CACNA2D2: variants seen among roughly 807,000 people sequenced by gnomAD.
CACNA2D2 encodes calcium voltage-gated channel auxiliary subunit alpha2delta 2, also known as voltage-dependent calcium channel subunit alpha-2/delta-2.
In CACNA2D2, 48 loss-of-function variants were observed where a neutral mutation model predicts 166.4. That is an observed-to-expected ratio of 0.29 (90% CI 0.23 to 0.37). The LOEUF is 0.37. CACNA2D2 is among the 10% of genes least tolerant of loss of function. The pLI is 1.00. For missense variants in CACNA2D2, 1,122 were observed against 1,433.0 expected (o/e 0.78, Z 3.50); for synonymous variants, 561 against 573.7 (o/e 0.98, Z 0.32).
chr3:50,388,697 C>T (rs756656200), intron 4 of CACNA2D2, among the ~76,000 whole-genome samples: 1 of 152,232 alleles, frequency 6.6e-6, no homozygotes, highest in Non-Finnish European at 1.5e-5. Flanking sequence ...AGACCACTCC[C>T]TCTCTGAGCC....
chr3:50,501,846 T>C (rs1405402126), intron 1 of CACNA2D2, among the ~76,000 whole-genome samples: 3 of 152,210 alleles, frequency 2.0e-5, no homozygotes, highest in African/African-American at 4.8e-5. Context: ...CCACCAGCCC[T>C]GAACTTCCAT....
intron 3 of CACNA2D2, among the ~76,000 whole-genome samples, chr3:50,418,317 C>A (rs796620562): frequency 2.6e-5 from 4 of 152,266 alleles, no homozygotes; most frequent in South Asian, 4.1e-4. Flanking sequence ...GGGTTGAAAT[C>A]CCTGTGTGGT....
intron 3 of CACNA2D2, among the ~76,000 whole-genome samples, chr3:50,395,010 G>T (rs993246339): frequency 3.3e-5 from 5 of 152,140 alleles, no homozygotes; most frequent in Non-Finnish European, 5.9e-5. Flanking sequence ...CCTAAGTCCG[G>T]GTCACCCAGA....
chr3:50,410,486 G>GGGC (rs1559921692), intron 3 of CACNA2D2, among the ~76,000 whole-genome samples: 1 of 151,984 alleles, frequency 6.6e-6, no homozygotes. Context: ...GGGATGGGGG[G>GGGC]GGGGGTGTTG....
At chr3:50,452,227 CAGGCTTGAG>C (rs1177887910) in intron 2 of CACNA2D2, among the ~76,000 whole-genome samples, 4 of 152,224 alleles carry the variant, frequency 2.6e-5, no homozygotes, top group African/African-American at 9.6e-5. Flanking sequence ...GGAATTGGCT[CAGGCTTGAG>C]AATGCCTCAC....
At chr3:50,487,919 C>T (rs1353674925) in intron 1 of CACNA2D2, among the ~76,000 whole-genome samples, 2 of 152,160 alleles carry the variant, frequency 1.3e-5, no homozygotes, top group Non-Finnish European at 2.9e-5. Flanking sequence ...GATTTGGCAG[C>T]AAGCAGGGCA....
intron 2 of CACNA2D2, among the ~76,000 whole-genome samples, chr3:50,447,514 C>T (rs1032163986): frequency 6.6e-6 from 1 of 152,154 alleles, no homozygotes; most frequent in Non-Finnish European, 1.5e-5. Context: ...AGCTCTACTT[C>T]CTCCTTAGGA....
intron 6 of CACNA2D2, among the ~76,000 whole-genome samples, chr3:50,382,299 C>T (rs1053287071): frequency 1.3e-5 from 2 of 152,192 alleles, no homozygotes; most frequent in Admixed American, 6.5e-5. Flanking sequence ...GCCACCGTCA[C>T]CCCGTACAGG....
intron 3 of CACNA2D2, among the ~76,000 whole-genome samples, chr3:50,394,724 T>C (rs1228413819): frequency 6.6e-6 from 1 of 152,180 alleles, no homozygotes; most frequent in African/African-American, 2.4e-5. Flanking sequence ...AGTGGCCTCT[T>C]CCAACAAAGC....
intron 1 of CACNA2D2, among the ~76,000 whole-genome samples, chr3:50,484,059 C>T (rs570326035): frequency 1.4e-3 from 219 of 152,250 alleles, no homozygotes; most frequent in African/African-American, 4.9e-3. Flanking sequence ...GTGTCCGAAA[C>T]GAGATCCGAG....
chr3:50,489,343 GA>G (rs1486383624), intron 1 of CACNA2D2, among the ~76,000 whole-genome samples: 1 of 152,164 alleles, frequency 6.6e-6, no homozygotes, highest in African/African-American at 2.4e-5. Context: ...CACCAGTCTG[GA>G]AATCACCTGT....
chr3:50,475,439 A>C (rs1307111500), intron 2 of CACNA2D2, among the ~76,000 whole-genome samples: 2 of 152,084 alleles, frequency 1.3e-5, no homozygotes, highest in Non-Finnish European at 2.9e-5. Flanking sequence ...CGAGAGTCGT[A>C]GCTCCATCAC....
rs749802615 is a variant in CACNA2D2 at position 50,470,859 on chromosome 3, G to C, written c.288+5259C>G. On this transcript the variant is annotated intron_variant, in intron 2 of 37. Transcript: ENST00000424201. The stretch of plus-strand genomic sequence containing the variant: ...TGCCTCTCTCTACCCAATTATGCTC[G>C]AGCAGCGGCCTCACCACGTCTCAGA... Among the ~76,000 whole-genome samples the C allele has an allele frequency of 3.4e-4, 52 of 152,184 alleles. No homozygotes were observed. In the East Asian group the frequency reaches 5.6e-3, roughly 16 times the overall value.
intron 37 of CACNA2D2, 27 bp from the exon 38 acceptor site, chr3:50,364,833 G>C (rs748827377): frequency 1.2e-6 from 2 of 1,612,964 alleles, no homozygotes; most frequent in African/African-American, 1.3e-5. Context: ...GGAGCTGGTC[G>C]GCCTGGGCGG....
intron 3 of CACNA2D2, among the ~76,000 whole-genome samples, chr3:50,419,561 G>C (rs898165017): frequency 1.3e-5 from 2 of 152,282 alleles, no homozygotes; most frequent in East Asian, 1.9e-4. Context: ...ATTGGGCTCG[G>C]GAGTGAACCT....
chr3:50,457,848 T>C (rs1345226442), intron 2 of CACNA2D2, among the ~76,000 whole-genome samples: 1 of 152,164 alleles, frequency 6.6e-6, no homozygotes, highest in Non-Finnish European at 1.5e-5. Context: ...AGAAGCTCAA[T>C]CTCAATAGGT....
intron 3 of CACNA2D2, among the ~76,000 whole-genome samples, chr3:50,417,730 C>T (rs1191112130): frequency 1.3e-5 from 2 of 152,188 alleles, no homozygotes; most frequent in African/African-American, 4.8e-5. Flanking sequence ...TCTCCTTGCC[C>T]CCCTGCTGCT....
intron 2 of CACNA2D2, among the ~76,000 whole-genome samples, chr3:50,455,476 T>C (rs542262674): frequency 1.5e-3 from 236 of 152,306 alleles, no homozygotes; most frequent in Admixed American, 1.6e-3. Flanking sequence ...TCCTGCGGCG[T>C]GGAGAGATAA....
In CACNA2D2 at chr3:50,378,002, C is replaced by T; in HGVS notation, c.1479+6G>A. 1 of 1,613,338 alleles carries T rather than the reference C, an allele frequency of 6.2e-7. No homozygotes were observed. The highest frequency in any genetic ancestry group is 8.5e-7 in the Non-Finnish European group (1 of 1,179,716). ...GCCCCACCCCTTCCTTGTCCAGAGG[C>T]CTTACCAGTGCATCCTCATACACGT... On this transcript the variant is annotated splice_donor_region_variant and intron_variant, in intron 15 of 37. Transcript: ENST00000424201.
Sources: allele counts gnomAD v4.1 joint callset (sites outside exome capture counted in the v4.1 genomes callset), GRCh38; gene constraint gnomAD v4.1.1; transcripts MANE v1.5; gene names NCBI Gene and HGNC (gene_info 2026-07-23, HGNC 2026-07-21).